The following MBD2 variants were observed in gnomAD, a reference collection of about 807,000 sequenced individuals.
MBD2 encodes methyl-CpG binding domain protein 2, also known as methyl-CpG-binding domain protein 2.
MBD2 carries 9 observed loss-of-function variants against 39.3 expected under a neutral mutation model. The ratio of observed to expected loss-of-function variants is 0.23; its 90% CI spans 0.14 to 0.40. The LOEUF is 0.40. Among genes scored for constraint, MBD2 ranks in the 10% least tolerant of loss-of-function variants. The probability of loss-of-function intolerance (pLI) is 1.00; values close to 1 mark genes in which losing one functional copy is unlikely to be tolerated. For missense variants in MBD2, 458 were observed against 532.6 expected (o/e 0.86, Z 1.38); for synonymous variants, 233 against 211.1 (o/e 1.10, Z -0.90).
At chr18:54,200,998 T>C (rs1242995061) in intron 2 of MBD2, among the ~76,000 whole-genome samples, 2 of 150,836 alleles carry the variant, frequency 1.3e-5, no homozygotes, top group Non-Finnish European at 2.9e-5. Context: ...GAGAATGGCA[T>C]GAACCCGGGA....
rs1427710185 is a variant in MBD2, at chr18:54,213,027, G to C, written c.543-7870C>G. Among the ~76,000 whole-genome samples, 8 of 108,416 alleles carry C rather than the reference G, an allele frequency of 7.4e-5. No homozygotes were observed. In the Admixed American group the frequency reaches 1.0e-3, roughly 14 times the overall value. 71.1% of individuals were successfully genotyped at this position (108,416 alleles called of 152,430 possible). A position where few individuals can be genotyped will look rare whatever the true frequency, so the allele number is the denominator to read the frequency against. On this transcript the variant is annotated intron_variant, in intron 1 of 6. Coordinates refer to ENST00000256429, the MANE Select transcript of MBD2 (RefSeq NM_003927.5). The stretch of plus-strand genomic sequence containing the variant: ...AGCCTGGGCAACAGAGCAAGACCCT[G>C]TCTCAAAAAAAAAAAAATTCCTTGG...
In MBD2 at chr18:54,224,410, G is replaced by C; in HGVS notation, c.150C>G (p.Arg50=). 8.0e-7 allele frequency: 1 copy of C among 1,245,146 alleles called. No individual in the cohort carries two copies. The highest frequency in any genetic ancestry group is 1.0e-6 in the Non-Finnish European group (1 of 996,472). The allele number at this position is 1,245,146 out of a possible 1,614,324, so 77.1% of individuals were successfully genotyped here. A position where few individuals can be genotyped will look rare whatever the true frequency, so the allele number is the denominator to read the frequency against. ...GGCCGCCGCCCCGAGCGCCTTCCCT[G>C]CGCACGCCGCTCACCGGGGACGGGG... ...ALAPSPVSGV[R]REGARGGGRG... The change falls in exon 1 of 7, where the codon CGC becomes CGG. Residue 50 remains arginine (R), a synonymous_variant. Coordinates refer to ENST00000256429, the MANE Select transcript of MBD2 (RefSeq NM_003927.5).
chr18:54,206,819 G>C (rs2086453947), intron 1 of MBD2, among the ~76,000 whole-genome samples: 1 of 152,154 alleles, frequency 6.6e-6, no homozygotes, highest in Non-Finnish European at 1.5e-5. Context: ...CACAAGCAAA[G>C]CTCAACTCCA....
intron 4 of MBD2, 123 bp downstream of exon 4, chr18:54,165,953 G>A: frequency 1.6e-6 from 1 of 628,248 alleles, no homozygotes; most frequent in South Asian, 2.3e-5. Flanking sequence ...CATCCAGCAA[G>A]GCATATGACC....
intron 1 of MBD2, among the ~76,000 whole-genome samples, chr18:54,219,344 C>T (rs145964250): frequency 6.6e-6 from 1 of 152,300 alleles, no homozygotes; most frequent in East Asian, 1.9e-4. Context: ...GCAAAAACTA[C>T]AAAGTCATTT....
At chr18:54,213,085 CG>C (rs778109166) in intron 1 of MBD2, among the ~76,000 whole-genome samples, 13,268 of 72,472 alleles carry the variant, frequency 0.18, 562 homozygotes, top group African/African-American at 0.22. Context: ...ATTATGGGGG[CG>C]GGGGGGGGGA....
chr18:54,159,742 C>T (rs2086081668), intron 6 of MBD2, 23 bp downstream of exon 6: 3 of 1,599,796 alleles, frequency 1.9e-6, no homozygotes, highest in Non-Finnish European at 2.5e-6. Flanking sequence ...AGTTCCAAGT[C>T]ACTCTCTCTG....
chr18:54,202,792 G>T (rs2086417501), intron 2 of MBD2: 5 of 1,542,544 alleles, frequency 3.2e-6, no homozygotes, highest in Non-Finnish European at 4.4e-6. Flanking sequence ...TACCTACCGT[G>T]TGCAAAAGCA....
chr18:54,176,761 T>A (rs1335632285), intron 3 of MBD2, among the ~76,000 whole-genome samples: 2 of 152,224 alleles, frequency 1.3e-5, no homozygotes, highest in Non-Finnish European at 2.9e-5. Flanking sequence ...ACCCTCTTAT[T>A]TTGTCAGGGT....
At chr18:54,174,276 C>A (rs2086196386) in intron 3 of MBD2, among the ~76,000 whole-genome samples, 1 of 152,188 alleles carries the variant, frequency 6.6e-6, no homozygotes, top group South Asian at 2.1e-4. Flanking sequence ...GAAGCAAAAT[C>A]ATGTCTAGTT....
chr18:54,215,535 C>T (rs1200042727), intron 1 of MBD2, among the ~76,000 whole-genome samples: 1 of 147,224 alleles, frequency 6.8e-6, no homozygotes, highest in African/African-American at 2.5e-5. Flanking sequence ...TGCTGCCAGG[C>T]TGGAGTGCAG....
chr18:54,210,242 A>G (rs1199589059), intron 1 of MBD2, among the ~76,000 whole-genome samples: 2 of 152,208 alleles, frequency 1.3e-5, no homozygotes, highest in African/African-American at 4.8e-5. Flanking sequence ...CAAAACATGA[A>G]TTGTATTTTT....
chr18:54,220,346 A>G (rs1338476478), intron 1 of MBD2, among the ~76,000 whole-genome samples: 3 of 152,138 alleles, frequency 2.0e-5, no homozygotes, highest in Non-Finnish European at 4.4e-5. Context: ...ATGAACCACC[A>G]CAACACTATC....
chr18:54,153,076 G>A lies in MBD2; in HGVS notation c.*2248C>T, dbSNP rs547993040. 4 of 152,440 alleles carry A rather than the reference G, an allele frequency of 2.6e-5. No individual in the cohort carries two copies. Among genetic ancestry groups the A allele is most frequent in the Non-Finnish European group, 5.9e-5 (4 of 68,120 alleles). 9.4% of individuals were successfully genotyped at this position (152,440 alleles called of 1,614,324 possible). Reference sequence around the variant, plus strand: ...GGAGAGAGGGAAGGGGAAGAAAGTGGACAGGTGAGCAAAAAAGGAAGCCAC... The same window carrying A: ...GGAGAGAGGGAAGGGGAAGAAAGTGAACAGGTGAGCAAAAAAGGAAGCCAC... On this transcript the variant is annotated 3_prime_UTR_variant, in exon 7 of 7. Transcript: ENST00000256429.
At chr18:54,200,407 A>G (rs1026228106) in intron 2 of MBD2, among the ~76,000 whole-genome samples, 2 of 152,220 alleles carry the variant, frequency 1.3e-5, no homozygotes, top group Non-Finnish European at 2.9e-5. Flanking sequence ...CAGTATGTTT[A>G]TACATCTAAA....
At chr18:54,204,875 A>G in intron 2 of MBD2, 123 bp downstream of exon 2, 1 of 809,210 alleles carries the variant, frequency 1.2e-6, no homozygotes, top group Non-Finnish European at 2.0e-6. Flanking sequence ...CAGGGTGGGC[A>G]GGGTATGGGG....
At chr18:54,167,180 GA>G (rs2086140312) in intron 3 of MBD2, among the ~76,000 whole-genome samples, 1 of 152,156 alleles carries the variant, frequency 6.6e-6, no homozygotes, top group East Asian at 1.9e-4. Flanking sequence ...AGTTGGTACT[GA>G]AAAAATATTT....
intron 2 of MBD2, among the ~76,000 whole-genome samples, chr18:54,201,097 T>C (rs1457262005): frequency 6.7e-6 from 1 of 148,288 alleles, no homozygotes; most frequent in East Asian, 2.0e-4. Flanking sequence ...AAAAAAAAAA[T>C]TGAGTTATTC....
At chr18:54,198,938 C>A (rs1320537487) in intron 2 of MBD2, among the ~76,000 whole-genome samples, 1 of 152,090 alleles carries the variant, frequency 6.6e-6, no homozygotes, top group Non-Finnish European at 1.5e-5. Flanking sequence ...GTAGGCCAAC[C>A]ATTTGTGAGG....
Sources: gnomAD v4.1 joint callset for allele counts (sites outside exome capture counted in the v4.1 genomes callset) on GRCh38, gnomAD v4.1.1 for gene constraint, MANE v1.5 for transcripts, NCBI Gene and HGNC (gene_info 2026-07-23, HGNC 2026-07-21) for gene names.